The following DZIP3 variants were observed in gnomAD, a reference collection of about 807,000 sequenced individuals.
DZIP3 encodes E3 ubiquitin-protein ligase DZIP3.
DZIP3 carries 118 observed loss-of-function variants against 162.0 expected under a neutral mutation model. That is an observed-to-expected ratio of 0.73 (90% CI 0.63 to 0.85). The LOEUF is 0.85. Ranked by LOEUF, DZIP3 falls within the 40% of genes least tolerant of loss-of-function variation. The probability of loss-of-function intolerance (pLI) is 0.00; values close to 1 mark genes in which losing one functional copy is unlikely to be tolerated. For missense variants in DZIP3, 1,331 were observed against 1,407.0 expected, an observed-to-expected ratio of 0.95 and a Z score of 0.86; for synonymous variants, 438 against 458.6, an observed-to-expected ratio of 0.96 and a Z score of 0.57.
intron 19 of DZIP3, among the ~76,000 whole-genome samples, chr3:108,655,672 C>A (rs532958614): frequency 6.6e-6 from 1 of 152,200 alleles, no homozygotes; most frequent in Admixed American, 6.5e-5. Context: ...GTGCGGCGCA[C>A]CGAGTGTGAG....
chr3:108,623,858 A>G (rs1252000114), intron 5 of DZIP3, among the ~76,000 whole-genome samples: 3 of 152,084 alleles, frequency 2.0e-5, no homozygotes, highest in Non-Finnish European at 2.9e-5. Context: ...TCTAAATGCT[A>G]CCTCCGTGAT....
rs1305188372 is a variant in DZIP3 at position 108,694,393 on chromosome 3, A to G, written c.*1040A>G. Reference sequence around the variant, plus strand: ...GTATTAGTCCATTTTCATGCTGCTGATAAAGACATACCTGAGATTGGGCAA... The same window carrying G: ...GTATTAGTCCATTTTCATGCTGCTGGTAAAGACATACCTGAGATTGGGCAA... On this transcript the variant is annotated 3_prime_UTR_variant, in exon 33 of 33. Transcript: ENST00000361582. 2 of 157,062 alleles carry G rather than the reference A, an allele frequency of 1.3e-5. No homozygotes were observed. The highest frequency in any genetic ancestry group is 2.8e-5 in the Non-Finnish European group (2 of 72,060). 9.7% of individuals were successfully genotyped at this position (157,062 alleles called of 1,614,324 possible). A position where few individuals can be genotyped will look rare whatever the true frequency, so the allele number is the denominator to read the frequency against.
chr3:108,651,748 T>A (rs2107231742), intron 18 of DZIP3, among the ~76,000 whole-genome samples: 1 of 151,886 alleles, frequency 6.6e-6, no homozygotes. Context: ...TTGCATGCAT[T>A]GTGCATGATT....
chr3:108,664,184 T>TGA (rs1244745363), intron 21 of DZIP3, among the ~76,000 whole-genome samples: 4 of 152,178 alleles, frequency 2.6e-5, no homozygotes, highest in African/African-American at 9.7e-5. Flanking sequence ...GCAGAAGCCT[T>TGA]CAACCTGGAA....
chr3:108,658,606 C>A (rs1383645102), intron 19 of DZIP3, among the ~76,000 whole-genome samples: 1 of 152,096 alleles, frequency 6.6e-6, no homozygotes, highest in Non-Finnish European at 1.5e-5. Flanking sequence ...CAAACACATT[C>A]AAAAGCTAGC....
chr3:108,641,316 A>C lies in DZIP3; in HGVS notation c.1065-1122A>C, dbSNP rs1177626366. Among the ~76,000 whole-genome samples, 3 of 152,126 alleles carry C rather than the reference A, an allele frequency of 2.0e-5. No individual in the cohort carries two copies. The South Asian group carries it at 6.2e-4, about 32-fold the overall frequency. ...ATTTTTTCTGTTTTGAACATTATAT[A>C]TGGAAACATTTGTTTTATGCATTTT... On this transcript the variant is annotated intron_variant, in intron 12 of 32. Transcript: ENST00000361582.
intron 22 of DZIP3, 112 bp downstream of exon 22, chr3:108,669,861 G>C: frequency 1.2e-6 from 1 of 835,164 alleles, no homozygotes; most frequent in Non-Finnish European, 1.9e-6. Flanking sequence ...GTACTTTTGA[G>C]GCTGATATTG....
At chr3:108,606,587 A>G (rs900771882) in intron 2 of DZIP3, among the ~76,000 whole-genome samples, 4 of 152,224 alleles carry the variant, frequency 2.6e-5, no homozygotes, top group African/African-American at 9.6e-5. Context: ...TGATCTTTAA[A>G]GAATGAGAAG....
intron 1 of DZIP3, among the ~76,000 whole-genome samples, chr3:108,604,630 A>C (rs1029615019): frequency 6.6e-6 from 1 of 152,188 alleles, no homozygotes; most frequent in African/African-American, 2.4e-5. Flanking sequence ...TGAACCACAG[A>C]TTGTGCAAGT....
chr3:108,595,264 C>A (rs1939649400), intron 1 of DZIP3, among the ~76,000 whole-genome samples: 1 of 152,138 alleles, frequency 6.6e-6, no homozygotes, highest in South Asian at 2.1e-4. Flanking sequence ...GTTGCCCAGA[C>A]TGGAGTGCAG....
chr3:108,662,426 A>T (rs1943482682), intron 21 of DZIP3, among the ~76,000 whole-genome samples, 169 bp downstream of exon 21: 1 of 152,210 alleles, frequency 6.6e-6, no homozygotes, highest in Non-Finnish European at 1.5e-5. Context: ...TGCCAACTGG[A>T]TTGAGAAATA....
chr3:108,638,389 C>T (rs1326264449), intron 12 of DZIP3, among the ~76,000 whole-genome samples: 2 of 152,098 alleles, frequency 1.3e-5, no homozygotes, highest in Non-Finnish European at 2.9e-5. Flanking sequence ...AATCTCGGCT[C>T]ACTGCAAGCT....
At chr3:108,623,316 A>G (rs937358099) in intron 5 of DZIP3, among the ~76,000 whole-genome samples, 2 of 152,044 alleles carry the variant, frequency 1.3e-5, no homozygotes, top group African/African-American at 4.8e-5. Flanking sequence ...AGTCTCACCC[A>G]AGGCCCATGG....
chr3:108,691,695 C>A (rs1459989190), intron 32 of DZIP3, among the ~76,000 whole-genome samples: 1 of 152,136 alleles, frequency 6.6e-6, no homozygotes. Flanking sequence ...GACTTCCCTG[C>A]TTCTGCTGTT....
intron 1 of DZIP3, among the ~76,000 whole-genome samples, chr3:108,595,357 A>G (rs1939660535): frequency 6.6e-6 from 1 of 152,104 alleles, no homozygotes; most frequent in African/African-American, 2.4e-5. Context: ...AGCTGGGACT[A>G]CAGGCATGCA....
At chr3:108,606,812 A>AT (rs1940403506) in intron 2 of DZIP3, among the ~76,000 whole-genome samples, 1 of 152,176 alleles carries the variant, frequency 6.6e-6, no homozygotes, top group South Asian at 2.1e-4. Flanking sequence ...AGCAGCCCAC[A>AT]TGGCACTTTT....
intron 32 of DZIP3, among the ~76,000 whole-genome samples, chr3:108,691,972 A>G (rs1944713679): frequency 6.6e-6 from 1 of 151,906 alleles, no homozygotes; most frequent in South Asian, 2.1e-4. Flanking sequence ...TTCTAACCAC[A>G]CTTTTCAGTT....
rs181918426 is a variant in DZIP3, at chr3:108,662,988, C to T, written c.2423+731C>T. Among the ~76,000 whole-genome samples the T allele has an allele frequency of 3.2e-3, 494 of 152,276 alleles. 5 individuals carry two copies. Among genetic ancestry groups the T allele is most frequent in the African/African-American group, 0.011 (469 of 41,546 alleles). ...TGCTGATAGGGAGAATAGAAAAGTG[C>T]TTCGAATGTCTTTGAATGGGGAGTC... On this transcript the variant is annotated intron_variant, in intron 21 of 32. Coordinates refer to ENST00000361582, the MANE Select transcript of DZIP3 (RefSeq NM_014648.4).
intron 19 of DZIP3, among the ~76,000 whole-genome samples, chr3:108,656,891 T>G (rs1482998242): frequency 6.6e-6 from 1 of 152,092 alleles, no homozygotes; most frequent in Non-Finnish European, 1.5e-5. Flanking sequence ...AGGGTATCAG[T>G]GACGGAAGAT....
Sources: gnomAD v4.1 joint callset for allele counts (sites outside exome capture counted in the v4.1 genomes callset) on GRCh38, gnomAD v4.1.1 for gene constraint, MANE v1.5 for transcripts, NCBI Gene and HGNC (gene_info 2026-07-23, HGNC 2026-07-21) for gene names.